IL34: variants seen among roughly 807,000 people sequenced by gnomAD.
The protein encoded by IL34 is interleukin-34.
In IL34, 17 loss-of-function variants were observed where a neutral mutation model predicts 25.3. The observed-to-expected ratio is 0.67, with a 90% confidence interval of 0.46 to 1.01. The LOEUF (loss-of-function observed/expected upper bound fraction) is 1.01, where lower values mean the gene tolerates loss of function less well. Among genes scored for constraint, IL34 ranks in the 50% least tolerant of loss-of-function variants. The pLI is 0.00. For missense variants in IL34, 368 were observed against 312.9 expected, an observed-to-expected ratio of 1.18 and a Z score of -1.33; for synonymous variants, 174 against 140.9, an observed-to-expected ratio of 1.23 and a Z score of -1.66.
chr16:70,657,114 G>T lies in IL34; in HGVS notation c.395G>T (p.Gly132Val). 1 of 1,612,622 alleles carries T rather than the reference G, an allele frequency of 6.2e-7. No individual in the cohort carries two copies. The highest frequency in any genetic ancestry group is 8.5e-7 in the Non-Finnish European group (1 of 1,179,702). Residue 132 changes from glycine (G) to valine (V), a missense_variant, in exon 4 of 6, where the codon GGC (glycine) becomes GTC (valine). Physicochemically the swap from Gly to Val is moderately radical, Grantham distance 109. Coordinates refer to ENST00000288098, the MANE Select transcript of IL34 (RefSeq NM_001393494.1). Reference sequence around the variant, plus strand: ...ACGCTGCTGCTGAATGTCCAGCAGGGCCTCACGGTGAGTTGTGTGGAGGAG... The same window carrying T: ...ACGCTGCTGCTGAATGTCCAGCAGGTCCTCACGGTGAGTTGTGTGGAGGAG... The part of the protein sequence containing the change: ...VETLLLNVQQ[G>V]LTDVEVSPKV...
upstream of IL34, among the ~76,000 whole-genome samples, chr16:70,646,146 G>A (rs558612520): frequency 5.3e-5 from 8 of 151,924 alleles, no homozygotes; most frequent in East Asian, 1.9e-4. Context: ...CTGGGCTCAC[G>A]CAATCCTCCC....
chr16:70,612,682 C>T (rs999776018), intron 1 of IL34, among the ~76,000 whole-genome samples: 3 of 152,344 alleles, frequency 2.0e-5, no homozygotes, highest in African/African-American at 4.8e-5. Context: ...GTTGGAAAAA[C>T]GCACACAGTG....
chr16:70,626,362 T>C (rs1044952187), intron 1 of IL34, among the ~76,000 whole-genome samples: 5 of 152,170 alleles, frequency 3.3e-5, no homozygotes, highest in Admixed American at 1.3e-4. Context: ...ACCTTCCCAC[T>C]TTAAGAAAAC....
chr16:70,660,284 C>T lies in IL34; in HGVS notation c.*97C>T, dbSNP rs1352188362. The T allele has an allele frequency of 1.1e-5, 13 of 1,188,086 alleles. No individual in the cohort carries two copies. The highest frequency in any genetic ancestry group is 4.6e-5 in the African/African-American group (3 of 64,828). The allele number at this position is 1,188,086 out of a possible 1,614,324, so 73.6% of individuals were successfully genotyped here. A position where few individuals can be genotyped will look rare whatever the true frequency, so the allele number is the denominator to read the frequency against. Reference sequence around the variant, plus strand: ...TTCAAGGGGTGGTGGTGGGAGCCCCCCTTGGGAGAGGACCCCTGGGAAGGG... The same window carrying T: ...TTCAAGGGGTGGTGGTGGGAGCCCCTCTTGGGAGAGGACCCCTGGGAAGGG... On this transcript the variant is annotated 3_prime_UTR_variant, in exon 6 of 6. Transcript: ENST00000288098.
intron 1 of IL34, among the ~76,000 whole-genome samples, chr16:70,602,959 A>T (rs2050940899): frequency 6.6e-6 from 1 of 151,976 alleles, no homozygotes; most frequent in Non-Finnish European, 1.5e-5. Context: ...GCCCCCAAAC[A>T]TCCCTGAAAT....
chr16:70,642,889 G>A (rs2051819649), upstream of IL34, among the ~76,000 whole-genome samples: 1 of 148,688 alleles, frequency 6.7e-6, no homozygotes, highest in Non-Finnish European at 1.5e-5. Context: ...GAGACAGAAA[G>A]AATATTAGTG....
intron 1 of IL34, among the ~76,000 whole-genome samples, chr16:70,615,911 C>A (rs951992594): frequency 1.3e-5 from 2 of 152,132 alleles, no homozygotes; most frequent in African/African-American, 4.8e-5. Context: ...TGAGATGGCA[C>A]CACTGCACTC....
intron 1 of IL34, among the ~76,000 whole-genome samples, chr16:70,599,296 CT>C (rs2050875120): frequency 7.8e-6 from 1 of 127,456 alleles, no homozygotes; most frequent in Admixed American, 9.4e-5. Context: ...TTTCTTTCTT[CT>C]TTCTTTCCTT....
At chr16:70,623,551 G>A (rs1376573758) in intron 1 of IL34, among the ~76,000 whole-genome samples, 1 of 152,066 alleles carries the variant, frequency 6.6e-6, no homozygotes, top group Admixed American at 6.6e-5. Flanking sequence ...GCATTGAACA[G>A]GGTAAGGGTG....
At chr16:70,654,371 C>A in intron 1 of IL34, 167 bp from the exon 2 acceptor site, 1 of 868,804 alleles carries the variant, frequency 1.2e-6, no homozygotes, top group Non-Finnish European at 1.7e-6. Context: ...TGTTCTGGAG[C>A]CAGACCCCAG....
intron 1 of IL34, among the ~76,000 whole-genome samples, chr16:70,652,742 G>A (rs1402804827): frequency 1.3e-5 from 2 of 152,094 alleles, no homozygotes; most frequent in African/African-American, 4.8e-5. Context: ...TTTATTCCTA[G>A]AAGTGTATTT....
upstream of IL34, among the ~76,000 whole-genome samples, chr16:70,645,007 AGAG>A (rs147360675): frequency 0.018 from 2,561 of 143,506 alleles, 90 homozygotes; most frequent in African/African-American, 0.064. Context: ...AAGAAGAGGA[AGAG>A]GAGGAAGGAG....
intron 1 of IL34, among the ~76,000 whole-genome samples, chr16:70,587,739 A>AG: frequency 6.6e-6 from 1 of 152,166 alleles, no homozygotes; most frequent in East Asian, 1.9e-4. Flanking sequence ...ATCAAAAAAA[A>AG]AAAGAAAGAA....
chr16:70,626,449 T>TG, intron 1 of IL34, among the ~76,000 whole-genome samples: 1 of 152,320 alleles, frequency 6.6e-6, no homozygotes, highest in Non-Finnish European at 1.5e-5. Context: ...CAGGCTGGAA[T>TG]GGAATGGTGC....
intron 1 of IL34, among the ~76,000 whole-genome samples, chr16:70,585,667 T>C (rs1379806310): frequency 6.6e-6 from 1 of 151,082 alleles, no homozygotes; most frequent in Non-Finnish European, 1.5e-5. Context: ...CCAGCCTAGG[T>C]GACAGAGGGA....
Position 70,660,399 on chromosome 16 carries a change from A to G in IL34, c.*212A>G. 2.0e-6 allele frequency: 1 copy of G among 491,776 alleles called. No homozygotes were observed. The highest frequency in any genetic ancestry group is 3.5e-6 in the Non-Finnish European group (1 of 283,792). The allele number at this position is 491,776 out of a possible 1,614,324, so 30.5% of individuals were successfully genotyped here. ...CATGGCCTCACCTGGAGCGGAGGGG[A>G]CCTGGGGACCTGAAGGTGGATGGGG... is the stretch of plus-strand genomic sequence containing the variant. On this transcript the variant is annotated 3_prime_UTR_variant, in exon 6 of 6. Transcript: ENST00000288098.
chr16:70,644,940 GAGGA>G (rs1397130429), upstream of IL34, among the ~76,000 whole-genome samples: 4 of 95,788 alleles, frequency 4.2e-5, no homozygotes, highest in East Asian at 2.8e-4. Context: ...GGAGGAAGAG[GAGGA>G]AGGAGGAAGA....
chr16:70,634,655 G>T (rs1373294893), intron 1 of IL34, among the ~76,000 whole-genome samples: 2 of 151,778 alleles, frequency 1.3e-5, no homozygotes, highest in Admixed American at 1.3e-4. Flanking sequence ...ACTCCAGCCT[G>T]GGCGACAGAG....
chr16:70,616,464 C>T (rs912870634), intron 1 of IL34, among the ~76,000 whole-genome samples: 3 of 151,920 alleles, frequency 2.0e-5, no homozygotes, highest in African/African-American at 7.3e-5. Flanking sequence ...GTGTTTAAGG[C>T]CTATGTATTT....
Sources: allele counts gnomAD v4.1 joint callset (sites outside exome capture counted in the v4.1 genomes callset), GRCh38; gene constraint gnomAD v4.1.1; transcripts MANE v1.5; gene names NCBI Gene and HGNC (gene_info 2026-07-23, HGNC 2026-07-21).